PHYKPL: variants seen among roughly 807,000 people sequenced by gnomAD.
PHYKPL encodes the protein 5-phosphonooxy-L-lysine phospho-lyase.
In PHYKPL, 42 loss-of-function variants were observed where a neutral mutation model predicts 51.3. The ratio of observed to expected loss-of-function variants is 0.82; its 90% CI spans 0.64 to 1.06. The LOEUF (loss-of-function observed/expected upper bound fraction) is 1.06, where lower values mean the gene tolerates loss of function less well. Ranked by LOEUF, PHYKPL falls within the 50% of genes least tolerant of loss-of-function variation. The pLI, the probability that PHYKPL is intolerant of heterozygous loss-of-function variation, is 0.00. For missense variants in PHYKPL, 655 were observed against 586.6 expected (o/e 1.12, Z -1.20); for synonymous variants, 264 against 236.0 (o/e 1.12, Z -1.09).
chr5:178,223,300 T>C (rs1761580541), intron 6 of PHYKPL: 2 of 449,084 alleles, frequency 4.5e-6, no homozygotes, highest in Admixed American at 4.8e-5. Flanking sequence ...ACCTACTCCT[T>C]GCCCTCTGCC....
chr5:178,210,395 T>A lies in PHYKPL; in HGVS notation c.*32-1480A>T, dbSNP rs987618937. Reference sequence around the variant, plus strand: ...ACAGGCCTGGCTCAGCCATGGGAGCTACTTGATTTTGAGCCTTAGACTTCG... The same window carrying A: ...ACAGGCCTGGCTCAGCCATGGGAGCAACTTGATTTTGAGCCTTAGACTTCG... On this transcript the variant is annotated intron_variant, in intron 12 of 12. Coordinates refer to ENST00000308158, the MANE Select transcript of PHYKPL (RefSeq NM_153373.4). The A allele has an allele frequency of 2.2e-5, 35 of 1,565,224 alleles. No homozygotes were observed. The East Asian group carries it at 8.2e-4, about 36-fold the overall frequency.
intron 1 of PHYKPL, chr5:178,232,272 G>A (rs1242184557): frequency 8.1e-7 from 1 of 1,239,668 alleles, no homozygotes; most frequent in Non-Finnish European, 1.0e-6. Flanking sequence ...GGCGCTGTCG[G>A]GGAGGCGGCC....
chr5:178,208,701 T>TC lies in PHYKPL; in HGVS notation c.*245dup, dbSNP rs1757258580. The TC allele has an allele frequency of 6.6e-6, 1 of 152,336 alleles. No individual in the cohort carries two copies. The highest frequency in any genetic ancestry group is 6.5e-5 in the Admixed American group (1 of 15,276). 9.4% of individuals were successfully genotyped at this position (152,336 alleles called of 1,614,324 possible). A position where few individuals can be genotyped will look rare whatever the true frequency, so the allele number is the denominator to read the frequency against. On this transcript the variant is annotated 3_prime_UTR_variant, in exon 13 of 13. Transcript: ENST00000308158. ...TTTAAAGTATCCCACCCTACCCCAT[T>TC]CCACCCCCAGTGGACAGAAAGGAAA...
Position 178,222,380 on chromosome 5 carries a change from G to C in PHYKPL, c.902C>G (p.Ala301Gly). Reference sequence around the variant, plus strand: ...CGTGTTGAAGTACTCAACGCCGGTGGCTTCAAATGCCCTCGCCACAGGCTG... The same window carrying C: ...CGTGTTGAAGTACTCAACGCCGGTGCCTTCAAATGCCCTCGCCACAGGCTG... ...ATQPVARAFE[A>G]TGVEYFNTFG... The change falls in exon 8 of 13, where the codon GCC becomes GGC. Residue 301 changes from alanine (A) to glycine (G), a missense_variant. Ala to Gly is a moderately conservative substitution (Grantham distance 60). Coordinates refer to ENST00000308158, the MANE Select transcript of PHYKPL (RefSeq NM_153373.4). 2 of 1,613,546 alleles carry C rather than the reference G, an allele frequency of 1.2e-6. No homozygotes were observed. The highest frequency in any genetic ancestry group is 1.7e-6 in the Non-Finnish European group (2 of 1,179,468).
chr5:178,230,037 T>C lies in PHYKPL; in HGVS notation c.241A>G (p.Asn81Asp). The C allele has an allele frequency of 6.2e-7, 1 of 1,614,196 alleles. No individual in the cohort carries two copies. Among genetic ancestry groups the C allele is most frequent in the Non-Finnish European group, 8.5e-7 (1 of 1,180,032 alleles). Residue 81 changes from asparagine (N) to aspartate (D), a missense_variant, in exon 3 of 13, where the codon AAC becomes GAC. Asn to Asp is a conservative substitution (Grantham distance 23). Coordinates refer to ENST00000308158, the MANE Select transcript of PHYKPL (RefSeq NM_153373.4). ...ATGTTGTCATGCAGGTACCGGCTGT[T>C]GGTGTTGAGCACCTGGTTCTGCTCA... ...AHEQNQVLNT[N>D]SRYLHDNIVD... is the part of the protein sequence containing the mutation.
chr5:178,231,985 G>A (rs1415295421), intron 1 of PHYKPL: 2 of 1,211,064 alleles, frequency 1.7e-6, no homozygotes, highest in South Asian at 1.5e-5. Context: ...AGCTCCAGTG[G>A]GAGGCGACCT....
intron 12 of PHYKPL, chr5:178,210,468 AGGGT>A: frequency 6.7e-7 from 1 of 1,497,882 alleles, no homozygotes. Context: ...ACGGCTGGTG[AGGGT>A]CCTGGGAAGA....
rs756061084 is a variant in PHYKPL, at chr5:178,224,596, G to C, written c.502-32C>G. The C allele has an allele frequency of 2.5e-6, 4 of 1,614,072 alleles. No homozygotes were observed. In the Admixed American group the frequency reaches 6.7e-5, roughly 27 times the overall value. ...GGAGTGACAGCGCCATGTTATCCGG[G>C]CTTGGGGACAGGCACCGACCTGTTG... On this transcript the variant is annotated intron_variant, in intron 5 of 12. Transcript: ENST00000308158.
In PHYKPL at chr5:178,232,656, T is replaced by A; in HGVS notation, c.-106A>T. On this transcript the variant is annotated 5_prime_UTR_variant, in exon 1 of 13. Transcript: ENST00000308158. ...GCCCCGCCCCTGCCTGGGTCGGGAT[T>A]TGGGGCTCAGGTTCGCACTCGGCCC... The A allele has an allele frequency of 8.4e-7, 1 of 1,191,358 alleles. No individual in the cohort carries two copies. Among genetic ancestry groups the A allele is most frequent in the Non-Finnish European group, 1.0e-6 (1 of 953,102 alleles). 73.8% of individuals were successfully genotyped at this position (1,191,358 alleles called of 1,614,324 possible). A position where few individuals can be genotyped will look rare whatever the true frequency, so the allele number is the denominator to read the frequency against.
chr5:178,214,910 CAGG>C (rs764779444), intron 9 of PHYKPL, 25 bp from the exon 10 acceptor site: 1 of 1,609,606 alleles, frequency 6.2e-7, no homozygotes, highest in African/African-American at 1.3e-5. Flanking sequence ...GACGACATCT[CAGG>C]AGGCCAGGCC....
chr5:178,219,959 C>T (rs762611370), intron 8 of PHYKPL, among the ~76,000 whole-genome samples: 7 of 147,630 alleles, frequency 4.7e-5, no homozygotes, highest in South Asian at 2.2e-4. Context: ...TTTGGGAGGC[C>T]GAGGTGGGCC....
intron 8 of PHYKPL, 129 bp downstream of exon 8, chr5:178,222,226 A>ATAAG (rs1249162745): frequency 9.0e-6 from 7 of 777,588 alleles, no homozygotes; most frequent in Non-Finnish European, 1.4e-5. Context: ...AATCTCCTTA[A>ATAAG]GGACAGCGTC....
chr5:178,232,347 G>A (rs1003765362), intron 1 of PHYKPL, 145 bp downstream of exon 1: 3 of 1,278,110 alleles, frequency 2.3e-6, no homozygotes, highest in Admixed American at 4.2e-5. Flanking sequence ...AGCTCCAGCG[G>A]GGCCGGGGCA....
In PHYKPL at chr5:178,211,948, A is replaced by G. The variant is rs1758577706; in HGVS notation, c.1326T>C (p.Ser442=). 2 of 1,614,162 alleles carry G rather than the reference A, an allele frequency of 1.2e-6. No individual in the cohort carries two copies. The highest frequency in any genetic ancestry group is 1.7e-6 in the Non-Finnish European group (2 of 1,180,028). The part of the protein sequence containing the change: ...ILTDMEEKVR[S]CETLRLQP ...AGGGCTGGAGCCTCAGCGTTTCACA[A>G]CTTCTCACCTTCTCTTCCATGTCTG... Residue 442 remains serine, a synonymous_variant, in exon 12 of 13, where the codon AGT becomes AGC. Transcript: ENST00000308158.
Position 178,231,791 on chromosome 5 carries a change from T to A in PHYKPL, c.60-268A>T, listed in dbSNP as rs936868918. ...TGTGGCCTCCTTGCTCATTTCTGCA[T>A]GTGTCCGCGTCAGTCTCCCGGATCC... On this transcript the variant is annotated intron_variant, in intron 1 of 12. Coordinates refer to ENST00000308158, the MANE Select transcript of PHYKPL (RefSeq NM_153373.4). 7 of 1,425,414 alleles carry A rather than the reference T, an allele frequency of 4.9e-6. No homozygotes were observed. In the East Asian group the frequency reaches 2.4e-4, roughly 50 times the overall value. The allele number at this position is 1,425,414 out of a possible 1,614,324, so 88.3% of individuals were successfully genotyped here.
At chr5:178,209,427 G>A (rs755376264) in intron 12 of PHYKPL, 1 of 1,614,106 alleles carries the variant, frequency 6.2e-7, no homozygotes, top group Non-Finnish European at 8.5e-7. Context: ...CGAGGCAGCG[G>A]AGGTGGTGGT....
At chr5:178,207,370 G>A, downstream of PHYKPL, 4 of 929,182 alleles carry the variant, frequency 4.3e-6, no homozygotes, top group Non-Finnish European at 6.4e-6. Context: ...TGCCCTGATT[G>A]GGGCAGTGTT....
intron 2 of PHYKPL, chr5:178,230,375 T>G (rs975208890): frequency 8.0e-6 from 3 of 376,338 alleles, no homozygotes; most frequent in East Asian, 5.1e-5. Flanking sequence ...TTTTTTTTTT[T>G]AACAGGGCCT....
intron 8 of PHYKPL, among the ~76,000 whole-genome samples, chr5:178,221,751 G>A (rs895119630): frequency 4.6e-5 from 7 of 152,084 alleles, no homozygotes; most frequent in African/African-American, 1.4e-4. Flanking sequence ...TCCACACTGA[G>A]CACCAGAGAT....
Sources: allele counts gnomAD v4.1 joint callset (sites outside exome capture counted in the v4.1 genomes callset), GRCh38; gene constraint gnomAD v4.1.1; transcripts MANE v1.5; gene names NCBI Gene and HGNC (gene_info 2026-07-23, HGNC 2026-07-21).